Variants in PLEKHM3 observed in about 807,000 individuals in gnomAD.
The protein encoded by PLEKHM3 is pleckstrin homology domain-containing family M member 3.
A neutral mutation model predicts 81.8 loss-of-function variants in PLEKHM3; 45 were observed. That is an observed-to-expected ratio of 0.55 (90% CI 0.43 to 0.71). The LOEUF is 0.71. Ranked by LOEUF, PLEKHM3 falls within the 30% of genes least tolerant of loss-of-function variation. The pLI is 0.00. For missense variants in PLEKHM3, 788 were observed against 924.3 expected (o/e 0.85, Z 1.91); for synonymous variants, 352 against 356.4 (o/e 0.99, Z 0.14).
chr2:207,901,261 C>T (rs1034395012), intron 6 of PLEKHM3: 1 of 703,038 alleles, frequency 1.4e-6, no homozygotes, highest in Non-Finnish European at 2.6e-6. Flanking sequence ...TCCCCCGATC[C>T]TTCAATCATC....
chr2:207,983,302 C>A (rs542877841), intron 2 of PLEKHM3, among the ~76,000 whole-genome samples: 1 of 152,210 alleles, frequency 6.6e-6, no homozygotes, highest in Non-Finnish European at 1.5e-5. Flanking sequence ...CCGCCCGCCT[C>A]GGCCTCCCAA....
rs532894854 is a variant in PLEKHM3 at position 207,825,258 on chromosome 2, C to T, written c.*3061G>A. 6.6e-5 allele frequency: 10 copies of T among 152,182 alleles called. No homozygotes were observed. The highest frequency in any genetic ancestry group is 3.9e-4 in the East Asian group (2 of 5,172). The allele number at this position is 152,182 out of a possible 1,614,324, so 9.4% of individuals were successfully genotyped here. On this transcript the variant is annotated 3_prime_UTR_variant, in exon 8 of 8. Transcript: ENST00000427836. ...ATGCCAACATTTCACCAGGGTTGGA[C>T]GATCTCACACATGAGTTTCTGGCAC... is the stretch of plus-strand genomic sequence containing the variant.
At chr2:207,961,188 T>G (rs1690719721) in intron 3 of PLEKHM3, among the ~76,000 whole-genome samples, 1 of 152,202 alleles carries the variant, frequency 6.6e-6, no homozygotes, top group Non-Finnish European at 1.5e-5. Flanking sequence ...CCACATCATG[T>G]GTGTCTATTA....
chr2:208,004,626 A>G (rs1692437463), intron 1 of PLEKHM3, among the ~76,000 whole-genome samples: 1 of 152,048 alleles, frequency 6.6e-6, no homozygotes, highest in Non-Finnish European at 1.5e-5. Context: ...AAACTTGCAG[A>G]CAAGTTTTCA....
At chr2:207,996,936 T>C (rs1448170042) in intron 2 of PLEKHM3, among the ~76,000 whole-genome samples, 2 of 151,828 alleles carry the variant, frequency 1.3e-5, no homozygotes, top group Non-Finnish European at 2.9e-5. Context: ...AGAAGCACTT[T>C]AGATGTTTTA....
chr2:207,965,548 A>T (rs563753183), intron 3 of PLEKHM3, among the ~76,000 whole-genome samples: 36 of 152,342 alleles, frequency 2.4e-4, no homozygotes, highest in Non-Finnish European at 4.4e-4. Flanking sequence ...GAATAAATCA[A>T]AAAAGCAAAT....
At chr2:207,882,055 T>G (rs1055522633) in intron 6 of PLEKHM3, among the ~76,000 whole-genome samples, 4 of 152,232 alleles carry the variant, frequency 2.6e-5, no homozygotes, top group African/African-American at 9.7e-5. Flanking sequence ...AAATCACATT[T>G]TTCAGTGGTT....
intron 3 of PLEKHM3, among the ~76,000 whole-genome samples, chr2:207,963,608 T>C (rs1276681142): frequency 6.6e-6 from 1 of 152,088 alleles, no homozygotes; most frequent in Non-Finnish European, 1.5e-5. Flanking sequence ...ATCTCAAAAC[T>C]CAAACACCAA....
At chr2:207,997,791 G>T (rs1692170934) in intron 2 of PLEKHM3, among the ~76,000 whole-genome samples, 1 of 152,192 alleles carries the variant, frequency 6.6e-6, no homozygotes, top group African/African-American at 2.4e-5. Flanking sequence ...GGTCTTGCCT[G>T]ACCCCAGATC....
intron 5 of PLEKHM3, among the ~76,000 whole-genome samples, chr2:207,921,362 A>C (rs779953212): frequency 7.2e-5 from 11 of 152,144 alleles, no homozygotes; most frequent in Non-Finnish European, 1.3e-4. Flanking sequence ...TCTTTTAAAA[A>C]AATTATTATT....
intron 6 of PLEKHM3, among the ~76,000 whole-genome samples, chr2:207,888,354 TACAC>T (rs72373527): frequency 1.1e-4 from 16 of 150,146 alleles, no homozygotes; most frequent in Admixed American, 4.6e-4. Context: ...CTTTTCTTCA[TACAC>T]ACACACACAC....
intron 5 of PLEKHM3, among the ~76,000 whole-genome samples, chr2:207,909,065 C>T (rs914688296): frequency 6.3e-4 from 96 of 152,302 alleles, no homozygotes; most frequent in Non-Finnish European, 1.0e-3. Context: ...TGTCTAGAGG[C>T]TTCTACGGCT....
chr2:207,994,352 C>T (rs1475176595), intron 2 of PLEKHM3, among the ~76,000 whole-genome samples: 1 of 152,112 alleles, frequency 6.6e-6, no homozygotes, highest in Non-Finnish European at 1.5e-5. Flanking sequence ...ACGGCAAAGT[C>T]CTTGGTGCTT....
chr2:207,977,765 T>C (rs1379393430), intron 2 of PLEKHM3, among the ~76,000 whole-genome samples, 179 bp from the exon 3 acceptor site: 1 of 152,094 alleles, frequency 6.6e-6, no homozygotes, highest in Non-Finnish European at 1.5e-5. Flanking sequence ...TGGCAAGAAA[T>C]AGCCGGGGAA....
chr2:208,017,891 T>C (rs185057368), intron 1 of PLEKHM3, among the ~76,000 whole-genome samples: 7 of 152,332 alleles, frequency 4.6e-5, no homozygotes, highest in African/African-American at 1.7e-4. Context: ...TGCTCTCTCC[T>C]GGTATTTCTC....
intron 2 of PLEKHM3, among the ~76,000 whole-genome samples, chr2:207,984,751 C>G (rs1260988573): frequency 6.6e-6 from 1 of 152,112 alleles, no homozygotes; most frequent in Admixed American, 6.6e-5. Context: ...TCTTTTAAGT[C>G]TTTTTAAATC....
At chr2:208,013,902 A>T (rs903106774) in intron 1 of PLEKHM3, among the ~76,000 whole-genome samples, 24 of 152,222 alleles carry the variant, frequency 1.6e-4, no homozygotes, top group African/African-American at 5.5e-4. Context: ...TTCAGAGTAA[A>T]TGTATGAGAG....
chr2:207,828,601 T>A, intron 7 of PLEKHM3, 105 bp from the exon 8 acceptor site: 2 of 1,059,912 alleles, frequency 1.9e-6, no homozygotes, highest in South Asian at 1.6e-5. Flanking sequence ...TCTACTGTTC[T>A]GGACAACCCT....
chr2:207,832,289 A>G (rs2092292917), intron 7 of PLEKHM3, among the ~76,000 whole-genome samples: 2 of 152,198 alleles, frequency 1.3e-5, no homozygotes, highest in South Asian at 4.1e-4. Flanking sequence ...AATTCCAAGA[A>G]TCTATAGTTA....
Sources: gnomAD v4.1 joint callset for allele counts (sites outside exome capture counted in the v4.1 genomes callset) on GRCh38, gnomAD v4.1.1 for gene constraint, MANE v1.5 for transcripts, NCBI Gene and HGNC (gene_info 2026-07-23, HGNC 2026-07-21) for gene names.